The following SPAG16 variants were observed in gnomAD, a reference collection of about 807,000 sequenced individuals.
The protein encoded by SPAG16 is sperm associated antigen 16, also known as sperm-associated antigen 16 protein.
In SPAG16, 86 loss-of-function variants were observed where a neutral mutation model predicts 80.4. That is an observed-to-expected ratio of 1.07 (90% CI 0.90 to 1.28). SPAG16 has a LOEUF of 1.28. Ranked by LOEUF, SPAG16 falls within the 50% of genes most tolerant of loss-of-function variation. The probability of loss-of-function intolerance (pLI) is 0.00; values close to 1 mark genes in which losing one functional copy is unlikely to be tolerated. For missense variants in SPAG16, 870 were observed against 765.3 expected, an observed-to-expected ratio of 1.14 and a Z score of -1.61; for synonymous variants, 294 against 265.9, an observed-to-expected ratio of 1.11 and a Z score of -1.03.
At chr2:213,446,713 G>A (rs1268277377) in intron 9 of SPAG16, among the ~76,000 whole-genome samples, 1 of 152,176 alleles carries the variant, frequency 6.6e-6, no homozygotes, top group African/African-American at 2.4e-5. Context: ...GGATGCTCCT[G>A]CGGAAATCTA....
At chr2:213,497,898 T>C (rs1020322817) in intron 10 of SPAG16, among the ~76,000 whole-genome samples, 1 of 152,090 alleles carries the variant, frequency 6.6e-6, no homozygotes, top group African/African-American at 2.4e-5. Context: ...TTCCAATAAA[T>C]ATAGAAAGCA....
chr2:214,360,237 CATTATTAG>C (rs376921332), intron 15 of SPAG16, among the ~76,000 whole-genome samples: 12 of 151,902 alleles, frequency 7.9e-5, no homozygotes, highest in African/African-American at 2.9e-4. Flanking sequence ...TAAAGATCAA[CATTATTAG>C]ATATTTCCTA....
At chr2:214,324,208 T>C (rs1451160082) in intron 15 of SPAG16, among the ~76,000 whole-genome samples, 5 of 152,246 alleles carry the variant, frequency 3.3e-5, no homozygotes, top group Non-Finnish European at 5.9e-5. Context: ...AAATAATGCA[T>C]AAATGTTATG....
intron 14 of SPAG16, among the ~76,000 whole-genome samples, chr2:214,127,818 C>T (rs940161000): frequency 9.2e-5 from 14 of 151,812 alleles, no homozygotes; most frequent in African/African-American, 3.1e-4. Context: ...AATGACTAAT[C>T]ATGTTTTCAA....
chr2:214,015,265 A>G (rs1053160234), intron 13 of SPAG16, among the ~76,000 whole-genome samples: 1 of 152,174 alleles, frequency 6.6e-6, no homozygotes, highest in Non-Finnish European at 1.5e-5. Context: ...GAAGGGCAGT[A>G]TCAGGTGGCT....
At chr2:213,954,648 G>GT (rs556023905) in intron 12 of SPAG16, among the ~76,000 whole-genome samples, 71 of 152,172 alleles carry the variant, frequency 4.7e-4, no homozygotes, top group Non-Finnish European at 8.8e-4. Context: ...TTGGACATAT[G>GT]TTTTCATTAC....
At position 213,889,922 on chromosome 2, in the gene SPAG16, A is replaced by C. The variant is rs544183059; in HGVS notation, c.1214+27294A>C. Reference sequence around the variant, plus strand: ...TTGTACCCTCTGAATATAATACTGTAAAATGTTCTACATTATTATTTGAAG... The same window carrying C: ...TTGTACCCTCTGAATATAATACTGTCAAATGTTCTACATTATTATTTGAAG... On this transcript the variant is annotated intron_variant, in intron 11 of 15. Transcript: ENST00000331683. Among the ~76,000 whole-genome samples, 6 of 152,046 alleles carry C rather than the reference A, an allele frequency of 3.9e-5. No individual in the cohort carries two copies. In the East Asian group the frequency reaches 1.2e-3, roughly 29 times the overall value.
chr2:213,632,100 TTCTAA>T (rs1372303908), intron 10 of SPAG16, among the ~76,000 whole-genome samples: 4 of 152,190 alleles, frequency 2.6e-5, no homozygotes, highest in Admixed American at 6.5e-5. Context: ...ATACTGATTC[TTCTAA>T]TCTATCAACA....
chr2:214,034,153 T>C (rs1378156499), intron 13 of SPAG16, among the ~76,000 whole-genome samples: 2 of 152,238 alleles, frequency 1.3e-5, no homozygotes, highest in Admixed American at 6.5e-5. Flanking sequence ...GCAGGTTTCA[T>C]AGAAATACCT....
chr2:213,794,706 T>C (rs192740623), intron 10 of SPAG16, among the ~76,000 whole-genome samples: 188 of 152,224 alleles, frequency 1.2e-3, no homozygotes, highest in Non-Finnish European at 2.2e-3. Context: ...TAGTAACTTT[T>C]ACAGCATTAT....
intron 13 of SPAG16, among the ~76,000 whole-genome samples, chr2:214,093,068 TAAG>T (rs1291232516): frequency 2.0e-5 from 3 of 152,128 alleles, no homozygotes; most frequent in African/African-American, 7.2e-5. Flanking sequence ...CTAAGTCTTT[TAAG>T]ATTTAATAAC....
chr2:214,035,668 G>A (rs183235515), intron 13 of SPAG16, among the ~76,000 whole-genome samples: 133 of 152,270 alleles, frequency 8.7e-4, no homozygotes, highest in African/African-American at 3.1e-3. Context: ...CCCTGGGGGC[G>A]GGGGTCCTTC....
Position 213,344,550 on chromosome 2 carries a change from C to T in SPAG16, c.644+4280C>T, listed in dbSNP as rs186613925. On this transcript the variant is annotated intron_variant, in intron 6 of 15. Coordinates refer to ENST00000331683, the MANE Select transcript of SPAG16 (RefSeq NM_024532.5). ...TCCACTTCCCACACCCCACAACAGG[C>T]CCCGGTATGTGATGTTCCCCTTCCT... 2.0e-5 allele frequency among the ~76,000 whole-genome samples: 3 copies of T among 152,218 alleles called. No individual in the cohort carries two copies. The East Asian group carries it at 5.8e-4, about 29-fold the overall frequency.
chr2:213,646,199 C>T (rs2125131101), intron 10 of SPAG16, among the ~76,000 whole-genome samples: 1 of 152,280 alleles, frequency 6.6e-6, no homozygotes, highest in Middle Eastern at 3.4e-3. Flanking sequence ...TACAAAGTTA[C>T]AACCAGGTAC....
At chr2:213,796,924 TTTC>T (rs2071075045) in intron 10 of SPAG16, among the ~76,000 whole-genome samples, 2 of 90,708 alleles carry the variant, frequency 2.2e-5, no homozygotes, top group Non-Finnish European at 3.0e-5. Flanking sequence ...ATGCATGTTA[TTTC>T]TCCTAAAGAC....
chr2:213,496,660 T>C (rs1386159179), intron 10 of SPAG16, among the ~76,000 whole-genome samples: 1 of 151,462 alleles, frequency 6.6e-6, no homozygotes, highest in Non-Finnish European at 1.5e-5. Flanking sequence ...ATGTATAATA[T>C]AAGCTTTAAG....
intron 15 of SPAG16, among the ~76,000 whole-genome samples, chr2:214,296,567 T>C (rs960653559): frequency 6.6e-6 from 1 of 152,254 alleles, no homozygotes; most frequent in Admixed American, 6.5e-5. Flanking sequence ...TTTTGACTTT[T>C]TAATAATAGC....
At chr2:214,386,881 A>AT (rs1203670940) in intron 15 of SPAG16, among the ~76,000 whole-genome samples, 1 of 145,916 alleles carries the variant, frequency 6.9e-6, no homozygotes, top group African/African-American at 2.8e-5. Flanking sequence ...AGAGAAAAAA[A>AT]AAAAACAACT....
At chr2:213,998,053 A>G (rs559983713) in intron 12 of SPAG16, among the ~76,000 whole-genome samples, 74 of 152,350 alleles carry the variant, frequency 4.9e-4, no homozygotes, top group African/African-American at 1.1e-3. Context: ...GGAAGTTTCT[A>G]TAGTCTTTAC....
Sources: allele counts gnomAD v4.1 joint callset (sites outside exome capture counted in the v4.1 genomes callset), GRCh38; gene constraint gnomAD v4.1.1; transcripts MANE v1.5; gene names NCBI Gene and HGNC (gene_info 2026-07-23, HGNC 2026-07-21).